TTC34: variants seen among roughly 807,000 people sequenced by gnomAD.
TTC34 encodes the protein tetratricopeptide repeat protein 34.
In TTC34, 44 loss-of-function variants were observed where a neutral mutation model predicts 40.7. The ratio of observed to expected loss-of-function variants is 1.08; its 90% CI spans 0.85 to 1.39. The LOEUF is 1.39. Among genes scored for constraint, TTC34 ranks in the 40% most tolerant of loss-of-function variants. The pLI, the probability that TTC34 is intolerant of heterozygous loss-of-function variation, is 0.00. For synonymous variants in TTC34, 422 were observed against 398.6 expected, an observed-to-expected ratio of 1.06 and a Z score of -0.70; for missense variants, 884 against 838.0, an observed-to-expected ratio of 1.05 and a Z score of -0.68.
At chr1:2,681,648 T>C (rs1455954602) in intron 6 of TTC34, among the ~76,000 whole-genome samples, 1 of 71,308 alleles carries the variant, frequency 1.4e-5, no homozygotes, top group Non-Finnish European at 3.3e-5. Flanking sequence ...CCTGACAGCC[T>C]GGAGCAGCAT....
intron 6 of TTC34, among the ~76,000 whole-genome samples, chr1:2,684,725 G>A (rs1268155747): frequency 7.6e-5 from 9 of 118,422 alleles, no homozygotes; most frequent in Non-Finnish European, 1.3e-4. Context: ...ACCCCCAGGC[G>A]AGCATCCGAC....
intron 6 of TTC34, among the ~76,000 whole-genome samples, chr1:2,684,635 A>C: frequency 8.9e-6 from 1 of 111,872 alleles, no homozygotes. Context: ...TGGCATCCTC[A>C]CCTCCAGGTG....
At chr1:2,759,677 A>AGC (rs1641628513) in intron 6 of TTC34, among the ~76,000 whole-genome samples, 1 of 137,536 alleles carries the variant, frequency 7.3e-6, no homozygotes, top group Non-Finnish European at 1.6e-5. Flanking sequence ...CAGCACCAAC[A>AGC]ACCCCAGGCT....
chr1:2,697,881 C>CAT (rs1640943165), intron 6 of TTC34, among the ~76,000 whole-genome samples: 2 of 134,102 alleles, frequency 1.5e-5, no homozygotes, highest in African/African-American at 5.7e-5. Context: ...AAGCAGCACC[C>CAT]ACACCAACAG....
At chr1:2,794,743 A>ACT (rs1387399900) in intron 2 of TTC34, among the ~76,000 whole-genome samples, 2 of 152,090 alleles carry the variant, frequency 1.3e-5, no homozygotes, top group Admixed American at 6.6e-5. Context: ...TTTGGGATAG[A>ACT]TATTATCTTT....
chr1:2,638,797 G>A (rs2100982092), exon 9 of TTC34: 1 of 152,496 alleles, frequency 6.6e-6, no homozygotes, highest in Non-Finnish European at 1.5e-5. Flanking sequence ...GATGGGATAA[G>A]GGGAACCGAG....
rs753271412 is a variant in TTC34, at chr1:2,692,358, CT to C, written c.2227-46796del. ...AGCGCCCACACACCGAGGTGAGCATCTGACAGCCTGGAGCAGCGTCCACACC... is the reference window on the plus strand; with the variant it reads ...AGCGCCCACACACCGAGGTGAGCATCGACAGCCTGGAGCAGCGTCCACACC... On this transcript the variant is annotated intron_variant, in intron 6 of 8. Transcript: ENST00000401095. Among the ~76,000 whole-genome samples the C allele has an allele frequency of 1.2e-4, 9 of 72,328 alleles. 2 individuals carry two copies. The highest frequency in any genetic ancestry group is 2.6e-4 in the Non-Finnish European group (8 of 30,894). The allele number at this position is 72,328 out of a possible 152,430, so 47.4% of individuals were successfully genotyped here.
At chr1:2,753,121 A>G (rs1641381161) in intron 6 of TTC34, among the ~76,000 whole-genome samples, 1 of 132,930 alleles carries the variant, frequency 7.5e-6, no homozygotes, top group Non-Finnish European at 1.6e-5. Flanking sequence ...GACAGCCTGG[A>G]ACAGCACCAA....
At chr1:2,749,419 T>C (rs1569686005) in intron 6 of TTC34, among the ~76,000 whole-genome samples, 1 of 135,492 alleles carries the variant, frequency 7.4e-6, no homozygotes, top group Admixed American at 7.6e-5. Flanking sequence ...GGTGCGCACG[T>C]GACAGCCTGG....
At chr1:2,683,853 A>G (rs1393942788) in intron 6 of TTC34, among the ~76,000 whole-genome samples, 2 of 148,554 alleles carry the variant, frequency 1.3e-5, no homozygotes, top group African/African-American at 5.0e-5. Flanking sequence ...AACATCCGAC[A>G]GCCTGGAGCA....
intron 3 of TTC34, among the ~76,000 whole-genome samples, 161 bp downstream of exon 3, chr1:2,789,342 C>G (rs1643632943): frequency 6.6e-6 from 1 of 152,200 alleles, no homozygotes; most frequent in South Asian, 2.1e-4. Context: ...GCGGCCCGGT[C>G]GATGGAAGCA....
At chr1:2,686,287 G>A (rs1233147805) in intron 6 of TTC34, among the ~76,000 whole-genome samples, 4 of 150,854 alleles carry the variant, frequency 2.7e-5, no homozygotes, top group African/African-American at 7.4e-5. Context: ...ACACCCCCAG[G>A]CGAGCATCTG....
chr1:2,760,043 C>G (rs1335776359), intron 6 of TTC34, among the ~76,000 whole-genome samples: 3,925 of 72,762 alleles, frequency 0.054, 2 homozygotes, highest in African/African-American at 0.065. Context: ...CGCCCACACA[C>G]CCAAGTGAGC....
Position 2,683,070 on chromosome 1 carries a change from C to G in TTC34, c.2227-37507G>C, listed in dbSNP as rs1199307220. Among the ~76,000 whole-genome samples the G allele has an allele frequency of 5.3e-5, 8 of 151,196 alleles. No individual in the cohort carries two copies. The Admixed American group carries it at 5.3e-4, about 10-fold the overall frequency. On this transcript the variant is annotated intron_variant, in intron 6 of 8. Coordinates refer to ENST00000401095, the Ensembl canonical transcript of TTC34. ...CAGACAGCCTGGAACCGCAGCCACA[C>G]CCCCAGGCGAGCATCTGACAGCCTG...
intron 6 of TTC34, among the ~76,000 whole-genome samples, chr1:2,777,437 G>A (rs1354384582): frequency 2.0e-5 from 3 of 150,316 alleles, no homozygotes; most frequent in African/African-American, 7.4e-5. Context: ...GCATCTGACA[G>A]CATGGACAAG....
chr1:2,787,376 A>G lies in TTC34; in HGVS notation c.1854+105T>C, dbSNP rs996930529. On this transcript the variant is annotated intron_variant, in intron 4 of 8. Coordinates refer to ENST00000401095, the Ensembl canonical transcript of TTC34. ...GGGCTGAATGCAGTCGCCTGGTCCA[A>G]AGCCCAGACTGTGGGGTCCAGCGCC... The G allele has an allele frequency of 3.7e-6, 4 of 1,092,988 alleles. No individual in the cohort carries two copies. In the African/African-American group the frequency reaches 6.4e-5, roughly 17 times the overall value. 67.7% of individuals were successfully genotyped at this position (1,092,988 alleles called of 1,614,324 possible).
intron 6 of TTC34, among the ~76,000 whole-genome samples, chr1:2,749,497 T>TCTGA (rs1641247879): frequency 2.2e-5 from 2 of 89,562 alleles, no homozygotes; most frequent in African/African-American, 6.3e-5. Flanking sequence ...CAGGTGAGCA[T>TCTGA]TGGACAGCCT....
chr1:2,693,848 C>G (rs533922921), intron 6 of TTC34, among the ~76,000 whole-genome samples: 2,471 of 143,592 alleles, frequency 0.017, 8 homozygotes, highest in African/African-American at 0.064. Flanking sequence ...CATCTGACAG[C>G]CTGGAACAGA....
At chr1:2,761,616 C>A (rs1641685104) in intron 6 of TTC34, among the ~76,000 whole-genome samples, 1 of 75,600 alleles carries the variant, frequency 1.3e-5, no homozygotes, top group Non-Finnish European at 2.3e-5. Flanking sequence ...ACAACCCAGG[C>A]AAAAATCTGA....
Sources: gnomAD v4.1 joint callset for allele counts (sites outside exome capture counted in the v4.1 genomes callset) on GRCh38, gnomAD v4.1.1 for gene constraint, MANE v1.5 for transcripts, NCBI Gene and HGNC (gene_info 2026-07-23, HGNC 2026-07-21) for gene names.